Variants in TNPO3 observed in about 807,000 individuals in gnomAD.
TNPO3 encodes the protein transportin 3.
TNPO3 carries 65 observed loss-of-function variants against 122.8 expected under a neutral mutation model. The ratio of observed to expected loss-of-function variants is 0.53; its 90% CI spans 0.43 to 0.65. The LOEUF (loss-of-function observed/expected upper bound fraction) is 0.65. TNPO3 is among the 30% of genes least tolerant of loss of function. The pLI, the probability that TNPO3 is intolerant of heterozygous loss-of-function variation, is 0.00. For synonymous variants in TNPO3, 372 were observed against 411.2 expected (o/e 0.90, Z 1.15); for missense variants, 850 against 1,136.7 (o/e 0.75, Z 3.63).
chr7:128,965,054 CCAAA>C (rs1178504106), intron 21 of TNPO3, among the ~76,000 whole-genome samples: 1 of 152,076 alleles, frequency 6.6e-6, no homozygotes, highest in Non-Finnish European at 1.5e-5. Flanking sequence ...AGATATGACA[CCAAA>C]CAGACAACAA....
chr7:128,992,444 T>TC (rs1465092042), intron 9 of TNPO3, among the ~76,000 whole-genome samples: 3 of 152,062 alleles, frequency 2.0e-5, no homozygotes, highest in Non-Finnish European at 4.4e-5. Flanking sequence ...ACAATGTAAA[T>TC]CCTCTATATA....
At chr7:129,003,039 CAAAA>C (rs56226072) in intron 5 of TNPO3, among the ~76,000 whole-genome samples, 8 of 53,270 alleles carry the variant, frequency 1.5e-4, no homozygotes, top group Non-Finnish European at 2.4e-4. Context: ...GACTCCCTCT[CAAAA>C]AAAAAAAAAA....
At chr7:129,035,073 G>A (rs1421587504) in intron 1 of TNPO3, among the ~76,000 whole-genome samples, 2 of 151,232 alleles carry the variant, frequency 1.3e-5, no homozygotes, top group South Asian at 2.1e-4. Context: ...AGGGGATCGA[G>A]ACCATCCTGG....
chr7:128,995,312 A>C, intron 8 of TNPO3, among the ~76,000 whole-genome samples: 1 of 152,188 alleles, frequency 6.6e-6, no homozygotes. Context: ...CTATTCTGAC[A>C]CACTTCTGTA....
intron 4 of TNPO3, among the ~76,000 whole-genome samples, chr7:129,008,005 C>T (rs916807672): frequency 1.3e-5 from 2 of 151,696 alleles, no homozygotes; most frequent in African/African-American, 4.8e-5. Flanking sequence ...AAAAATTAGC[C>T]AGGTGTGGTG....
Position 128,982,289 on chromosome 7 carries a change from T to A in TNPO3, c.1818A>T (p.Ser606=), listed in dbSNP as rs1006923306. The change falls in exon 14 of 23, where the codon TCA becomes TCT. Residue 606 remains serine, a synonymous_variant. Coordinates refer to ENST00000265388, the MANE Select transcript of TNPO3 (RefSeq NM_012470.4). ...GGCGATCTAAGAACACTGTGGGATCTGAGGATATGCCATTGCTGGGCTCTT... is the reference window on the plus strand; with the variant it reads ...GGCGATCTAAGAACACTGTGGGATCAGAGGATATGCCATTGCTGGGCTCTT... The part of the protein sequence containing the change: ...LSQEPSNGIS[S]DPTVFLDRLA... 1.9e-6 allele frequency: 3 copies of A among 1,613,286 alleles called. No homozygotes were observed. The African/African-American group carries it at 4.0e-5, about 22-fold the overall frequency.
At chr7:128,993,698 A>T in intron 9 of TNPO3, 109 bp downstream of exon 9, 1 of 924,390 alleles carries the variant, frequency 1.1e-6, no homozygotes, top group Non-Finnish European at 1.6e-6. Context: ...CTATTATCTC[A>T]TTCAGCCACT....
At chr7:129,022,904 A>G (rs1016179474) in intron 1 of TNPO3, among the ~76,000 whole-genome samples, 4 of 152,354 alleles carry the variant, frequency 2.6e-5, no homozygotes, top group Non-Finnish European at 2.9e-5. Flanking sequence ...AGGCATCAAC[A>G]TAAGGACTGG....
chr7:129,046,759 A>G (rs925430322), intron 1 of TNPO3, among the ~76,000 whole-genome samples: 3 of 152,188 alleles, frequency 2.0e-5, no homozygotes, highest in Admixed American at 1.3e-4. Context: ...ATTATGGCGG[A>G]AGACGAAGGA....
intron 8 of TNPO3, among the ~76,000 whole-genome samples, chr7:128,994,623 T>G (rs1801112801): frequency 6.6e-6 from 1 of 152,082 alleles, no homozygotes; most frequent in Admixed American, 6.6e-5. Flanking sequence ...TCTACCAAAA[T>G]CAACCACTGT....
At chr7:128,984,311 C>T in intron 12 of TNPO3, 52 bp from the exon 13 acceptor site, 1 of 1,270,874 alleles carries the variant, frequency 7.9e-7, no homozygotes, top group Non-Finnish European at 1.1e-6. Context: ...ATTGAGGTAA[C>T]TTAACTGGAC....
At chr7:129,039,627 A>G (rs1478467994) in intron 1 of TNPO3, among the ~76,000 whole-genome samples, 1 of 152,256 alleles carries the variant, frequency 6.6e-6, no homozygotes, top group Non-Finnish European at 1.5e-5. Context: ...ACATGAATGC[A>G]TTATAGCACT....
intron 14 of TNPO3, among the ~76,000 whole-genome samples, chr7:128,980,972 GA>G (rs150330842): frequency 1.3e-5 from 2 of 150,034 alleles, no homozygotes; most frequent in South Asian, 2.1e-4. Context: ...AGAAAAGCAG[GA>G]AAAAAAAACC....
At chr7:129,034,618 G>A (rs376312566) in intron 1 of TNPO3, among the ~76,000 whole-genome samples, 1 of 151,140 alleles carries the variant, frequency 6.6e-6, no homozygotes, top group African/African-American at 2.4e-5. Flanking sequence ...GGCCAGGCGC[G>A]GTGGCTCACG....
chr7:128,984,068 T>C, intron 13 of TNPO3, 100 bp downstream of exon 13: 4 of 655,110 alleles, frequency 6.1e-6, no homozygotes, highest in East Asian at 3.1e-5. Context: ...TCTTGGATTT[T>C]CTAGGTAGAC....
At chr7:129,029,800 T>A (rs1325679875) in intron 1 of TNPO3, 1 of 151,576 alleles carries the variant, frequency 6.6e-6, no homozygotes, top group South Asian at 2.1e-4. Context: ...AGGGAGATAG[T>A]TCATGAGGTC....
chr7:128,959,174 A>C lies in TNPO3; in HGVS notation c.2712-1859T>G, dbSNP rs569240637. Among the ~76,000 whole-genome samples, 3 of 152,354 alleles carry C rather than the reference A, an allele frequency of 2.0e-5. No homozygotes were observed. The East Asian group carries it at 5.8e-4, about 29-fold the overall frequency. On this transcript the variant is annotated intron_variant, in intron 21 of 22. Transcript: ENST00000265388. ...CAGGGTATGTGAGCCCATATCACTC[A>C]TGCTCCCAATGTCAGGAAGGAGGAA...
At chr7:128,963,092 C>T (rs1797622110) in intron 21 of TNPO3, among the ~76,000 whole-genome samples, 1 of 152,144 alleles carries the variant, frequency 6.6e-6, no homozygotes, top group African/African-American at 2.4e-5. Context: ...GTTTCTCCTC[C>T]AAGGAGAAAG....
chr7:128,985,272 ATTAATTCCTATAGAAAAGT>A (rs1423671514), intron 12 of TNPO3, among the ~76,000 whole-genome samples: 3 of 152,202 alleles, frequency 2.0e-5, no homozygotes, highest in Non-Finnish European at 2.9e-5. Context: ...TTTCCTTTTA[ATTAATTCCTATAGAAAAGT>A]ATGTTACTTT....
Sources: allele counts gnomAD v4.1 joint callset (sites outside exome capture counted in the v4.1 genomes callset), GRCh38; gene constraint gnomAD v4.1.1; transcripts MANE v1.5; gene names NCBI Gene and HGNC (gene_info 2026-07-23, HGNC 2026-07-21).